CFAP221: variants seen among roughly 807,000 people sequenced by gnomAD.
CFAP221 encodes the protein cilia and flagella associated protein 221, also known as cilia- and flagella-associated protein 221.
A neutral mutation model predicts 113.1 loss-of-function variants in CFAP221; 97 were observed. The observed-to-expected ratio is 0.86, with a 90% CI of 0.73 to 1.02. The LOEUF is 1.02. CFAP221 is among the 50% of genes least tolerant of loss of function. CFAP221 has a pLI of 0.00. For missense variants in CFAP221, 1,025 were observed against 1,013.4 expected (o/e 1.01, Z -0.16); for synonymous variants, 331 against 354.4 (o/e 0.93, Z 0.74).
intron 13 of CFAP221, among the ~76,000 whole-genome samples, chr2:119,614,806 A>G (rs1685415443): frequency 6.6e-6 from 1 of 152,134 alleles, no homozygotes; most frequent in Non-Finnish European, 1.5e-5. Context: ...CACCTCCATC[A>G]TTCTCACTTT....
intron 11 of CFAP221, among the ~76,000 whole-genome samples, chr2:119,607,449 T>A (rs918845134): frequency 6.6e-6 from 1 of 152,242 alleles, no homozygotes; most frequent in Non-Finnish European, 1.5e-5. Context: ...AAATCATAAC[T>A]ATTATTTATT....
chr2:119,636,472 C>T (rs1252827415), intron 19 of CFAP221, among the ~76,000 whole-genome samples: 1 of 152,114 alleles, frequency 6.6e-6, no homozygotes, highest in Non-Finnish European at 1.5e-5. Flanking sequence ...TGAGCAAAAG[C>T]AGAATAATGT....
At chr2:119,548,663 T>C (rs910853041) in intron 2 of CFAP221, among the ~76,000 whole-genome samples, 1 of 152,242 alleles carries the variant, frequency 6.6e-6, no homozygotes. Flanking sequence ...GTTAAATACA[T>C]AGTAATAAAC....
chr2:119,586,383 A>T (rs889681590), intron 6 of CFAP221, among the ~76,000 whole-genome samples: 1 of 152,046 alleles, frequency 6.6e-6, no homozygotes, highest in African/African-American at 2.4e-5. Flanking sequence ...AGGAGAGGAC[A>T]TTATGGGAAG....
At chr2:119,577,645 A>G (rs1682545638) in intron 6 of CFAP221, among the ~76,000 whole-genome samples, 1 of 152,208 alleles carries the variant, frequency 6.6e-6, no homozygotes. Flanking sequence ...TTATGTATCT[A>G]TAAAATGAGG....
intron 22 of CFAP221, among the ~76,000 whole-genome samples, chr2:119,649,909 C>T (rs1574237765): frequency 6.6e-6 from 1 of 152,162 alleles, no homozygotes; most frequent in East Asian, 1.9e-4. Flanking sequence ...CTCCTTAGCT[C>T]CATTGTTCAA....
At chr2:119,606,693 C>G (rs1020960466) in intron 11 of CFAP221, among the ~76,000 whole-genome samples, 5 of 152,066 alleles carry the variant, frequency 3.3e-5, no homozygotes, top group Non-Finnish European at 4.4e-5. Context: ...GACCAGTGAC[C>G]ACTGTCAGTG....
Position 119,546,103 on chromosome 2 carries a change from A to G in CFAP221, c.-29A>G, listed in dbSNP as rs991198735. 7 of 1,518,380 alleles carry G rather than the reference A, an allele frequency of 4.6e-6. No homozygotes were observed. In the African/African-American group the frequency reaches 7.0e-5, roughly 15 times the overall value. 94.1% of individuals were successfully genotyped at this position (1,518,380 alleles called of 1,614,324 possible). Reference sequence around the variant, plus strand: ...TCCCCAGGACATGACCTTTGGCTCTAAAAAGAAGACTCCATTTTTCATGAT... The same window carrying G: ...TCCCCAGGACATGACCTTTGGCTCTGAAAAGAAGACTCCATTTTTCATGAT... On this transcript the variant is annotated 5_prime_UTR_variant, in exon 2 of 24. Coordinates refer to ENST00000413369, the MANE Select transcript of CFAP221 (RefSeq NM_001271049.2).
chr2:119,571,973 C>A (rs1002772054), intron 6 of CFAP221, among the ~76,000 whole-genome samples: 2 of 100,066 alleles, frequency 2.0e-5, no homozygotes, highest in East Asian at 5.0e-4. Context: ...TACTTTGGGG[C>A]TGCCCCTTAC....
intron 11 of CFAP221, among the ~76,000 whole-genome samples, chr2:119,606,113 C>T (rs1248709129): frequency 6.6e-6 from 1 of 152,014 alleles, no homozygotes; most frequent in African/African-American, 2.4e-5. Context: ...AAGTGATCCT[C>T]CCTCTTCAGC....
At chr2:119,624,301 A>G (rs993805143) in intron 14 of CFAP221, among the ~76,000 whole-genome samples, 7 of 152,366 alleles carry the variant, frequency 4.6e-5, no homozygotes, top group South Asian at 2.1e-4. Context: ...AGGGAAATGC[A>G]AATCAAAACC....
chr2:119,608,615 C>A, intron 12 of CFAP221, 26 bp downstream of exon 12: 2 of 1,573,004 alleles, frequency 1.3e-6, no homozygotes, highest in Non-Finnish European at 1.7e-6. Flanking sequence ...AATTTGCTAT[C>A]ATTTGTTTCG....
chr2:119,636,848 C>A (rs1271986848), intron 19 of CFAP221, among the ~76,000 whole-genome samples: 1 of 152,170 alleles, frequency 6.6e-6, no homozygotes, highest in Non-Finnish European at 1.5e-5. Flanking sequence ...CAATGGGGAT[C>A]TGAAGGATGA....
chr2:119,632,041 T>C (rs1248947407), intron 19 of CFAP221, among the ~76,000 whole-genome samples: 1 of 152,146 alleles, frequency 6.6e-6, no homozygotes, highest in Non-Finnish European at 1.5e-5. Context: ...CAAAGAAACC[T>C]CCAGGCCCAG....
chr2:119,554,560 A>G (rs1680649046), intron 3 of CFAP221, among the ~76,000 whole-genome samples: 1 of 152,210 alleles, frequency 6.6e-6, no homozygotes, highest in Non-Finnish European at 1.5e-5. Context: ...TTGTCAAATA[A>G]TATTTGTTTT....
At chr2:119,650,544 T>C (rs949519040) in intron 22 of CFAP221, among the ~76,000 whole-genome samples, 2 of 152,254 alleles carry the variant, frequency 1.3e-5, no homozygotes, top group African/African-American at 4.8e-5. Flanking sequence ...AATAGTTGTA[T>C]CTACTTCATA....
At chr2:119,565,253 T>C (rs1681538768) in intron 6 of CFAP221, among the ~76,000 whole-genome samples, 1 of 152,188 alleles carries the variant, frequency 6.6e-6, no homozygotes, top group African/African-American at 2.4e-5. Context: ...AAAAGGTGAA[T>C]CCTTCCTTGC....
intron 16 of CFAP221, 25 bp downstream of exon 16, chr2:119,627,811 G>T (rs758900173): frequency 6.2e-7 from 1 of 1,612,032 alleles, no homozygotes; most frequent in Non-Finnish European, 8.5e-7. Context: ...GCTTGGGGGC[G>T]GGGAGTGGAC....
In CFAP221 at chr2:119,639,954, A is replaced by G. The variant is rs1687382508; in HGVS notation, c.2225+82A>G. The G allele has an allele frequency of 5.1e-6, 6 of 1,176,982 alleles. No individual in the cohort carries two copies. In the East Asian group the frequency reaches 1.4e-4, roughly 28 times the overall value. 72.9% of individuals were successfully genotyped at this position (1,176,982 alleles called of 1,614,324 possible). A position where few individuals can be genotyped will look rare whatever the true frequency, so the allele number is the denominator to read the frequency against. ...CAATGATCCCCAAAAGTTAAATGCC[A>G]ATAATATGTCAAACCATACTTTTAA... On this transcript the variant is annotated intron_variant, in intron 21 of 23. Transcript: ENST00000413369.
Sources: allele counts gnomAD v4.1 joint callset (sites outside exome capture counted in the v4.1 genomes callset), GRCh38; gene constraint gnomAD v4.1.1; transcripts MANE v1.5; gene names NCBI Gene and HGNC (gene_info 2026-07-23, HGNC 2026-07-21).